The following ABHD2 variants were observed in gnomAD, a reference collection of about 807,000 sequenced individuals.
ABHD2 encodes the protein monoacylglycerol lipase ABHD2.
In ABHD2, 20 loss-of-function variants were observed where a neutral mutation model predicts 48.1. That is an observed-to-expected ratio of 0.42 (90% confidence interval 0.29 to 0.60). ABHD2 has a LOEUF of 0.60. Among genes scored for constraint, ABHD2 ranks in the 20% least tolerant of loss-of-function variants. ABHD2 has a pLI of 0.24. For synonymous variants in ABHD2, 209 were observed against 214.2 expected, an observed-to-expected ratio of 0.98 and a Z score of 0.21; for missense variants, 405 against 550.9, an observed-to-expected ratio of 0.74 and a Z score of 2.65.
chr15:89,191,842 T>C (rs2051311401), intron 9 of ABHD2, among the ~76,000 whole-genome samples: 1 of 152,142 alleles, frequency 6.6e-6, no homozygotes. Flanking sequence ...TTGGTCAGGC[T>C]GGTCTCCAAC....
At chr15:89,073,575 G>A in the ABHD2 span, among the ~76,000 whole-genome samples, 2 of 152,124 alleles carry the variant, frequency 1.3e-5, no homozygotes, top group African/African-American at 4.8e-5. Context: ...GGGATTACAG[G>A]GAATCTGTAG....
rs540695414 is a variant in ABHD2, at chr15:89,122,447, C to T, written c.194+5926C>T. On this transcript the variant is annotated intron_variant, in intron 3 of 10. Coordinates refer to ENST00000352732, the MANE Select transcript of ABHD2 (RefSeq NM_152924.5). Reference sequence around the variant, plus strand: ...TGAACGATGTTCTCATTTTGGCAGACGCCATGTGTGCCTGCCCAGGAGAAA... The same window carrying T: ...TGAACGATGTTCTCATTTTGGCAGATGCCATGTGTGCCTGCCCAGGAGAAA... 8.5e-5 allele frequency among the ~76,000 whole-genome samples: 13 copies of T among 152,314 alleles called. No individual in the cohort carries two copies. In the East Asian group the frequency reaches 1.3e-3, roughly 16 times the overall value.
At chr15:89,144,704 T>C (rs571797783) in intron 3 of ABHD2, among the ~76,000 whole-genome samples, 1 of 152,286 alleles carries the variant, frequency 6.6e-6, no homozygotes, top group African/African-American at 2.4e-5. Context: ...AAATGGGAAG[T>C]GACTGCTTCA....
rs2051269277 is a variant in ABHD2, at chr15:89,189,505, T to TA, written c.926+1208dup. Reference sequence around the variant, plus strand: ...AGAGCAAGGCCCTGTCCCTAAAATATAAAAAATAAATTATTTGATATTTTT... The same window carrying TA: ...AGAGCAAGGCCCTGTCCCTAAAATATAAAAAAATAAATTATTTGATATTTTT... On this transcript the variant is annotated intron_variant, in intron 8 of 10. Coordinates refer to ENST00000352732, the MANE Select transcript of ABHD2 (RefSeq NM_152924.5). This position sits in a 1 kb window ranked among gnomAD's most constrained non-coding sequence, Gnocchi z 4.9. Among the ~76,000 whole-genome samples, 1 of 152,170 alleles carries TA rather than the reference T, an allele frequency of 6.6e-6. No individual in the cohort carries two copies. The highest frequency in any genetic ancestry group is 2.1e-4 in the South Asian group (1 of 4,830).
chr15:89,108,150 G>C (rs2049816798), intron 1 of ABHD2, among the ~76,000 whole-genome samples: 1 of 152,174 alleles, frequency 6.6e-6, no homozygotes, highest in Non-Finnish European at 1.5e-5. Flanking sequence ...CAGGAGCGTG[G>C]AACTCCTGAG....
At position 89,169,971 on chromosome 15, in the gene ABHD2, T is replaced by TA. The variant is rs1189723284; in HGVS notation, c.539-5839dup. Among the ~76,000 whole-genome samples the TA allele has an allele frequency of 2.0e-5, 3 of 151,454 alleles. No homozygotes were observed. In the East Asian group the frequency reaches 5.8e-4, roughly 29 times the overall value. ...ATATTCAGTCAGATATGTGTGTATG[T>TA]AATCCCTTAAAACCCAAGCAAACAC... On this transcript the variant is annotated intron_variant, in intron 5 of 10. Coordinates refer to ENST00000352732, the MANE Select transcript of ABHD2 (RefSeq NM_152924.5).
intron 3 of ABHD2, among the ~76,000 whole-genome samples, chr15:89,127,766 G>A (rs578000451): frequency 1.4e-5 from 2 of 141,756 alleles, no homozygotes; most frequent in East Asian, 3.9e-4. Flanking sequence ...TAGTCAATTA[G>A]TAATATTTAG....
rs2049586972 is a variant in ABHD2 at position 89,094,839 on chromosome 15, G to T, written c.-107+6276G>T. Among the ~76,000 whole-genome samples, 1 of 152,058 alleles carries T rather than the reference G, an allele frequency of 6.6e-6. No homozygotes were observed. The highest frequency in any genetic ancestry group is 1.5e-5 in the Non-Finnish European group (1 of 68,008). On this transcript the variant is annotated intron_variant, in intron 1 of 10. Transcript: ENST00000352732. This position sits in a 1 kb window ranked among gnomAD's most constrained non-coding sequence, Gnocchi z 4.7. ...GTACTTTGAGAGGCCGAGGCAGGCG[G>T]ATCACTTGAGACCAGGAGTTCGAGA...
the ABHD2 span, among the ~76,000 whole-genome samples, chr15:89,055,884 G>T: frequency 6.6e-6 from 1 of 152,100 alleles, no homozygotes; most frequent in Admixed American, 6.5e-5. Context: ...TGTTTTTACA[G>T]ACTGGGTCTC....
intron 1 of ABHD2, among the ~76,000 whole-genome samples, chr15:89,090,575 C>G (rs2150766956): frequency 6.6e-6 from 1 of 150,538 alleles, no homozygotes; most frequent in East Asian, 2.0e-4. Context: ...CATTTTATAC[C>G]TTACTTATTT....
chr15:89,148,072 T>A (rs561351553), intron 3 of ABHD2, among the ~76,000 whole-genome samples: 2 of 127,244 alleles, frequency 1.6e-5, no homozygotes, highest in African/African-American at 3.1e-5. Context: ...TGAGCCGAGA[T>A]CGCTCCACTG....
At chr15:89,057,581 A>G in the ABHD2 span, among the ~76,000 whole-genome samples, 16 of 152,260 alleles carry the variant, frequency 1.1e-4, no homozygotes, top group South Asian at 2.7e-3. Flanking sequence ...TTGTTTAGCC[A>G]TGGTCGTGGA....
rs970354909 is a variant in ABHD2, at chr15:89,116,005, C to T, written c.-6-317C>T. ...CTCTTCGACTGATCTTATTTTTCCC[C>T]CTCCGATAAAGGACACTATTCTTAG... On this transcript the variant is annotated intron_variant, in intron 2 of 10. Coordinates refer to ENST00000352732, the MANE Select transcript of ABHD2 (RefSeq NM_152924.5). The surrounding 1 kb of genome is among the most constrained non-coding windows in gnomAD (Gnocchi z 4.6). Among the ~76,000 whole-genome samples, 1 of 152,226 alleles carries T rather than the reference C, an allele frequency of 6.6e-6. No homozygotes were observed. Among genetic ancestry groups the T allele is most frequent in the Non-Finnish European group, 1.5e-5 (1 of 68,036 alleles).
Position 89,176,754 on chromosome 15 carries a change from G to C in ABHD2, c.722+759G>C, listed in dbSNP as rs1456213528. ...CATATTTTTTTCTGTACTCTTCATGGTGTCTTTCGTTTTACCAATGAGTAT... is the reference window on the plus strand; with the variant it reads ...CATATTTTTTTCTGTACTCTTCATGCTGTCTTTCGTTTTACCAATGAGTAT... On this transcript the variant is annotated intron_variant, in intron 6 of 10. Transcript: ENST00000352732. This position sits in a 1 kb window ranked among gnomAD's most constrained non-coding sequence, Gnocchi z 4.5. Among the ~76,000 whole-genome samples the C allele has an allele frequency of 2.0e-5, 3 of 152,014 alleles. No individual in the cohort carries two copies. Among genetic ancestry groups the C allele is most frequent in the Non-Finnish European group, 4.4e-5 (3 of 68,010 alleles).
At chr15:89,084,490 G>A (rs1461585473), upstream of ABHD2, among the ~76,000 whole-genome samples, 4 of 152,156 alleles carry the variant, frequency 2.6e-5, no homozygotes, top group Admixed American at 6.5e-5. This position sits in a 1 kb window ranked among gnomAD's most constrained non-coding sequence, Gnocchi z 4.4. Context: ...AGTAGAGACG[G>A]TGTTTCGCCA....
intron 5 of ABHD2, among the ~76,000 whole-genome samples, chr15:89,159,648 G>A (rs572632469): frequency 1.3e-5 from 2 of 152,172 alleles, no homozygotes; most frequent in Non-Finnish European, 2.9e-5. Context: ...GCTGCCTTAA[G>A]AGCACTGTAT....
intron 3 of ABHD2, chr15:89,135,929 T>C: frequency 2.0e-6 from 1 of 499,758 alleles, no homozygotes. Context: ...CCTTTAACTT[T>C]TTTTTTTTTC....
chr15:89,066,707 G>T, the ABHD2 span, among the ~76,000 whole-genome samples: 2 of 152,142 alleles, frequency 1.3e-5, no homozygotes, highest in Non-Finnish European at 2.9e-5. Flanking sequence ...CAGCAGGAGG[G>T]CTGGGCAGAA....
At chr15:89,190,513 A>T (rs1368609027) in intron 8 of ABHD2, among the ~76,000 whole-genome samples, 1 of 152,154 alleles carries the variant, frequency 6.6e-6, no homozygotes, top group Non-Finnish European at 1.5e-5. Flanking sequence ...CTCCACTAAG[A>T]ACTCTGTTAA....
Sources: allele counts gnomAD v4.1 joint callset (sites outside exome capture counted in the v4.1 genomes callset), GRCh38; gene constraint gnomAD v4.1.1; non-coding constraint Gnocchi (gnomAD v3.1); transcripts MANE v1.5; gene names NCBI Gene and HGNC (gene_info 2026-07-23, HGNC 2026-07-21).